The following TRPC7 variants were observed in gnomAD, a reference collection of about 807,000 sequenced individuals.
The protein encoded by TRPC7 is transient receptor potential cation channel subfamily C member 7, also known as short transient receptor potential channel 7.
In TRPC7, 42 loss-of-function variants were observed where a neutral mutation model predicts 90.1. That is an observed-to-expected ratio of 0.47 (90% CI 0.36 to 0.60). The LOEUF is 0.60. TRPC7 is among the 20% of genes least tolerant of loss of function. The pLI, the probability that TRPC7 is intolerant of heterozygous loss-of-function variation, is 0.00. For missense variants in TRPC7, 955 were observed against 1,112.3 expected (o/e 0.86, Z 2.01); for synonymous variants, 451 against 436.3 (o/e 1.03, Z -0.42).
Position 136,356,890 on chromosome 5 carries a change from C to T in TRPC7, c.498G>A (p.Thr166=). Residue 166 remains threonine, a synonymous_variant, in exon 2 of 12, where the codon ACG becomes ACA. Coordinates refer to ENST00000513104, the MANE Select transcript of TRPC7 (RefSeq NM_020389.3). ...GGCAGTGCGCCGCCAGGATGATGGG[C>T]GTGATGTCGTGGGAGAAGCGCGTGC... ...EDGTRFSHDI[T]PIILAAHCQE... 2 of 1,613,876 alleles carry T rather than the reference C, an allele frequency of 1.2e-6. No homozygotes were observed. The highest frequency in any genetic ancestry group is 1.7e-6 in the Non-Finnish European group (2 of 1,179,956).
intron 5 of TRPC7, among the ~76,000 whole-genome samples, chr5:136,260,600 A>G (rs1756825589): frequency 6.6e-6 from 1 of 152,210 alleles, no homozygotes; most frequent in South Asian, 2.1e-4. Flanking sequence ...AAGGTCATAG[A>G]GATGGAGTGG....
At chr5:136,348,524 G>A (rs910901316) in intron 2 of TRPC7, among the ~76,000 whole-genome samples, 15 of 152,156 alleles carry the variant, frequency 9.9e-5, no homozygotes, top group African/African-American at 3.6e-4. Flanking sequence ...GTAATGCTGT[G>A]TTTATTGGTA....
chr5:136,333,973 T>C (rs992440594), intron 2 of TRPC7, among the ~76,000 whole-genome samples: 2 of 152,210 alleles, frequency 1.3e-5, no homozygotes, highest in Non-Finnish European at 2.9e-5. Context: ...AGAATTTCAA[T>C]GTTGGAGAGG....
intron 7 of TRPC7, among the ~76,000 whole-genome samples, chr5:136,245,110 G>A (rs1268588370): frequency 4.6e-5 from 7 of 152,180 alleles, no homozygotes; most frequent in Non-Finnish European, 1.0e-4. Flanking sequence ...TGGGGAAATT[G>A]AGGCCCAAGG....
chr5:136,261,094 C>T (rs2149810058), intron 5 of TRPC7, among the ~76,000 whole-genome samples: 1 of 152,292 alleles, frequency 6.6e-6, no homozygotes, highest in South Asian at 2.1e-4. Flanking sequence ...TACCTCTCAA[C>T]ATCTGAGCAG....
chr5:136,222,324 G>A (rs1227588272), intron 10 of TRPC7, among the ~76,000 whole-genome samples: 5 of 152,216 alleles, frequency 3.3e-5, no homozygotes. Context: ...GTAACTAAAT[G>A]TGTGTGAACG....
chr5:136,275,958 C>A (rs1383123529), intron 3 of TRPC7, among the ~76,000 whole-genome samples: 1 of 152,202 alleles, frequency 6.6e-6, no homozygotes, highest in South Asian at 2.1e-4. Flanking sequence ...CCCAGCTCCA[C>A]TCTACCCATG....
At chr5:136,313,377 G>GTCTATCTATCTA (rs79202938) in intron 3 of TRPC7, among the ~76,000 whole-genome samples, 19 of 120,660 alleles carry the variant, frequency 1.6e-4, no homozygotes, top group Admixed American at 2.6e-4. Flanking sequence ...GGAGATGTCT[G>GTCTATCTATCTA]TCTATCTATC....
intron 1 of TRPC7, among the ~76,000 whole-genome samples, chr5:136,362,665 C>T (rs1440282465): frequency 6.6e-6 from 1 of 152,132 alleles, no homozygotes; most frequent in Non-Finnish European, 1.5e-5. Flanking sequence ...GGTGGACTCA[C>T]TATTAAGGAT....
chr5:136,344,541 T>C (rs1047126001), intron 2 of TRPC7, among the ~76,000 whole-genome samples: 20 of 152,208 alleles, frequency 1.3e-4, no homozygotes, highest in African/African-American at 4.8e-4. Flanking sequence ...TCAGCCTCAC[T>C]AGCAATTAGA....
chr5:136,309,264 A>T (rs1211696855), intron 3 of TRPC7, among the ~76,000 whole-genome samples: 7 of 152,232 alleles, frequency 4.6e-5, no homozygotes. Flanking sequence ...CTGTGTTACC[A>T]TCATTTGTGG....
At chr5:136,266,194 G>C (rs779949790) in intron 5 of TRPC7, 26 bp downstream of exon 5, 1 of 1,579,666 alleles carries the variant, frequency 6.3e-7, no homozygotes. Flanking sequence ...AGCAAGGAGA[G>C]AATAAAAATA....
At chr5:136,337,707 A>G (rs965272810) in intron 2 of TRPC7, among the ~76,000 whole-genome samples, 1 of 152,192 alleles carries the variant, frequency 6.6e-6, no homozygotes. Context: ...GAAGACTTCA[A>G]ATTTCCAATG....
intron 3 of TRPC7, among the ~76,000 whole-genome samples, chr5:136,296,458 A>AGG (rs1416013153): frequency 7.4e-4 from 113 of 152,348 alleles, no homozygotes; most frequent in African/African-American, 2.4e-3. Flanking sequence ...AAATAACAGA[A>AGG]AAGAAGGAAA....
intron 2 of TRPC7, among the ~76,000 whole-genome samples, chr5:136,322,301 A>C (rs1297453666): frequency 6.6e-6 from 1 of 152,208 alleles, no homozygotes; most frequent in African/African-American, 2.4e-5. Context: ...GGCATAAGCC[A>C]CCATACCTGG....
intron 3 of TRPC7, among the ~76,000 whole-genome samples, chr5:136,306,942 C>T (rs1392339498): frequency 6.6e-6 from 1 of 152,204 alleles, no homozygotes; most frequent in Non-Finnish European, 1.5e-5. Flanking sequence ...CGGATTCAGC[C>T]TGCCTGCACC....
At chr5:136,360,701 A>G (rs931460282) in intron 1 of TRPC7, among the ~76,000 whole-genome samples, 4 of 152,150 alleles carry the variant, frequency 2.6e-5, no homozygotes, top group Non-Finnish European at 4.4e-5. Flanking sequence ...ATGAAATCTT[A>G]TGAGCCTTAG....
intron 2 of TRPC7, among the ~76,000 whole-genome samples, chr5:136,355,814 T>A (rs900871402): frequency 3.3e-5 from 5 of 151,972 alleles, no homozygotes; most frequent in Admixed American, 2.0e-4. Context: ...GAAAAAAAAA[T>A]TGCTCTTATT....
chr5:136,270,530 G>A (rs535012152), intron 4 of TRPC7, among the ~76,000 whole-genome samples: 51 of 152,256 alleles, frequency 3.3e-4, no homozygotes, highest in African/African-American at 1.2e-3. Context: ...TTTATGCCAC[G>A]AGCCTGTTCG....
Sources: allele counts gnomAD v4.1 joint callset (sites outside exome capture counted in the v4.1 genomes callset), GRCh38; gene constraint gnomAD v4.1.1; transcripts MANE v1.5; gene names NCBI Gene and HGNC (gene_info 2026-07-23, HGNC 2026-07-21).